The following ADAMTSL3 variants were observed in gnomAD, a reference collection of about 807,000 sequenced individuals.
The protein encoded by ADAMTSL3 is ADAMTS-like protein 3.
Under a neutral mutation model 201.7 loss-of-function variants are expected in ADAMTSL3, and 128 were observed. The observed-to-expected ratio is 0.63, with a 90% CI of 0.55 to 0.73. The LOEUF is 0.73. Among genes scored for constraint, ADAMTSL3 ranks in the 30% least tolerant of loss-of-function variants. ADAMTSL3 has a pLI of 0.00. For missense variants in ADAMTSL3, 1,990 were observed against 2,119.6 expected (o/e 0.94, Z 1.20); for synonymous variants, 738 against 748.4 (o/e 0.99, Z 0.23).
At chr15:83,909,105 C>A (rs1039158102) in intron 15 of ADAMTSL3, among the ~76,000 whole-genome samples, 1 of 152,184 alleles carries the variant, frequency 6.6e-6, no homozygotes, top group African/African-American at 2.4e-5. Context: ...AAATCCCTCT[C>A]GCTTATTAGT....
At chr15:83,722,609 A>T (rs192588777) in intron 3 of ADAMTSL3, among the ~76,000 whole-genome samples, 1 of 152,224 alleles carries the variant, frequency 6.6e-6, no homozygotes, top group Non-Finnish European at 1.5e-5. Flanking sequence ...AAACATTACA[A>T]ATTTTAAAAC....
chr15:83,885,103 C>G lies in ADAMTSL3; in HGVS notation c.963C>G (p.Thr321=). The change falls in exon 10 of 30, where the codon ACC becomes ACG. Residue 321 remains threonine, a splice_region_variant and synonymous_variant. Coordinates refer to ENST00000286744, the MANE Select transcript of ADAMTSL3 (RefSeq NM_207517.3). ...TTCTCACAGTTCTCTTTGTCCAGAC[C>G]AGGTACACTGCAGCCAAAGACAGCG... ...GPLMADFIFK[T]RYTAAKDSVV... is the part of the protein sequence containing the mutation. The G allele has an allele frequency of 6.2e-7, 1 of 1,611,696 alleles. No homozygotes were observed.
chr15:83,966,202 T>G (rs1309592431), intron 19 of ADAMTSL3, among the ~76,000 whole-genome samples: 1 of 152,082 alleles, frequency 6.6e-6, no homozygotes, highest in African/African-American at 2.4e-5. Flanking sequence ...CTGAGAGAGA[T>G]AGAGACATGA....
intron 3 of ADAMTSL3, among the ~76,000 whole-genome samples, chr15:83,752,119 A>T (rs1182153279): frequency 1.3e-5 from 2 of 152,222 alleles, no homozygotes; most frequent in Non-Finnish European, 2.9e-5. Context: ...AAAGAGAATG[A>T]AGAGCAAAAT....
chr15:83,888,021 A>G (rs17158553), intron 10 of ADAMTSL3, among the ~76,000 whole-genome samples: 3,900 of 152,342 alleles, frequency 0.026, 178 homozygotes, highest in African/African-American at 0.086. Context: ...AGTGGGATTC[A>G]GCTTAGTCCA....
At chr15:83,992,716 CA>C (rs753742109) in intron 23 of ADAMTSL3, among the ~76,000 whole-genome samples, 3 of 152,196 alleles carry the variant, frequency 2.0e-5, no homozygotes, top group Non-Finnish European at 4.4e-5. Context: ...TATCGGAAGT[CA>C]AAGACTGGAT....
chr15:83,847,495 C>CTTTTTTT, intron 7 of ADAMTSL3, among the ~76,000 whole-genome samples: 1 of 137,936 alleles, frequency 7.2e-6, no homozygotes, highest in Non-Finnish European at 1.6e-5. Context: ...TGCCAGGTAA[C>CTTTTTTT]TTTTTTTTTT....
intron 17 of ADAMTSL3, among the ~76,000 whole-genome samples, chr15:83,940,807 T>TA (rs2066544737): frequency 6.6e-6 from 1 of 152,190 alleles, no homozygotes; most frequent in Non-Finnish European, 1.5e-5. Flanking sequence ...AGCTTTATAA[T>TA]ATGCATAAAA....
intron 27 of ADAMTSL3, among the ~76,000 whole-genome samples, chr15:84,027,843 T>TA (rs368018936): frequency 6.6e-4 from 100 of 151,894 alleles, no homozygotes; most frequent in Non-Finnish European, 1.2e-3. Flanking sequence ...CCCATAATAA[T>TA]AAAAAAAATG....
intron 3 of ADAMTSL3, among the ~76,000 whole-genome samples, chr15:83,743,997 C>T (rs181255515): frequency 2.6e-5 from 4 of 152,004 alleles, no homozygotes; most frequent in East Asian, 3.9e-4. Flanking sequence ...ACTACAGGTG[C>T]GTGCCACCAC....
intron 15 of ADAMTSL3, among the ~76,000 whole-genome samples, chr15:83,909,171 TGATTA>T: frequency 1.3e-5 from 2 of 152,298 alleles, no homozygotes; most frequent in African/African-American, 4.8e-5. Flanking sequence ...AGGATGTCTG[TGATTA>T]GATTAAGCCC....
chr15:83,825,785 G>A (rs568203273), intron 6 of ADAMTSL3, among the ~76,000 whole-genome samples: 4 of 152,110 alleles, frequency 2.6e-5, no homozygotes, highest in African/African-American at 7.2e-5. Flanking sequence ...GTAACAGCAG[G>A]TGCAGATGTG....
At chr15:83,973,643 A>G (rs1193551819) in intron 20 of ADAMTSL3, among the ~76,000 whole-genome samples, 2 of 152,142 alleles carry the variant, frequency 1.3e-5, no homozygotes, top group Non-Finnish European at 2.9e-5. Context: ...TTTCCTAACT[A>G]CTGTACTGAC....
rs141228783 is a variant in ADAMTSL3 at position 83,735,813 on chromosome 15, C to T, written c.189+31305C>T. Among the ~76,000 whole-genome samples, 11 of 152,022 alleles carry T rather than the reference C, an allele frequency of 7.2e-5. No homozygotes were observed. The East Asian group carries it at 1.9e-3, about 27-fold the overall frequency. Reference sequence around the variant, plus strand: ...AAGAGGAAGCCCCACGTTTAACACACGTAAAATAAAATTTTAAGGAGTTTC... The same window carrying T: ...AAGAGGAAGCCCCACGTTTAACACATGTAAAATAAAATTTTAAGGAGTTTC... On this transcript the variant is annotated intron_variant, in intron 3 of 29. Transcript: ENST00000286744.
intron 4 of ADAMTSL3, among the ~76,000 whole-genome samples, chr15:83,803,478 C>G (rs192692944): frequency 6.6e-6 from 1 of 151,938 alleles, no homozygotes; most frequent in Non-Finnish European, 1.5e-5. Flanking sequence ...TTATTTAAGC[C>G]TGTGTTTAGC....
intron 8 of ADAMTSL3, among the ~76,000 whole-genome samples, chr15:83,867,652 G>A (rs2141818647): frequency 6.6e-6 from 1 of 152,300 alleles, no homozygotes; most frequent in Non-Finnish European, 1.5e-5. Flanking sequence ...ATATGCTATA[G>A]AAATACAGCT....
chr15:83,708,406 G>A (rs2061882751), intron 3 of ADAMTSL3, among the ~76,000 whole-genome samples: 2 of 152,282 alleles, frequency 1.3e-5, no homozygotes, highest in South Asian at 4.1e-4. Context: ...TAGATGCCTG[G>A]AAAACTAATA....
chr15:83,859,483 C>T (rs926607146), intron 8 of ADAMTSL3, among the ~76,000 whole-genome samples: 3 of 152,160 alleles, frequency 2.0e-5, no homozygotes, highest in Non-Finnish European at 4.4e-5. Context: ...TGAAAAACTA[C>T]CCAGGGACAT....
intron 3 of ADAMTSL3, among the ~76,000 whole-genome samples, chr15:83,763,884 C>A (rs955494351): frequency 6.6e-6 from 1 of 152,202 alleles, no homozygotes; most frequent in East Asian, 1.9e-4. Flanking sequence ...AGGCCAGATT[C>A]CTCCCAGAGA....
Sources: allele counts gnomAD v4.1 joint callset (sites outside exome capture counted in the v4.1 genomes callset), GRCh38; gene constraint gnomAD v4.1.1; transcripts MANE v1.5; gene names NCBI Gene and HGNC (gene_info 2026-07-23, HGNC 2026-07-21).